Variants in NAALADL2 observed in about 807,000 individuals in gnomAD.
NAALADL2 encodes the protein N-acetylated alpha-linked acidic dipeptidase like 2.
NAALADL2 carries 76 observed loss-of-function variants against 87.2 expected under a neutral mutation model. The ratio of observed to expected loss-of-function variants is 0.87; its 90% CI spans 0.72 to 1.05. NAALADL2 has a LOEUF of 1.05. NAALADL2 is among the 50% of genes least tolerant of loss of function. The probability of loss-of-function intolerance (pLI) is 0.00; values close to 1 mark genes in which losing one functional copy is unlikely to be tolerated. For synonymous variants in NAALADL2, 354 were observed against 331.0 expected (o/e 1.07, Z -0.75); for missense variants, 1,089 against 945.8 (o/e 1.15, Z -1.99).
chr3:175,115,239 T>C (rs553255600), intron 2 of NAALADL2: 3 of 151,630 alleles, frequency 2.0e-5, no homozygotes, highest in Non-Finnish European at 4.4e-5. Flanking sequence ...TTGTCTGTCA[T>C]AGGCCCAGCA....
In NAALADL2 at chr3:174,822,948, A is replaced by G. The variant is rs955979298; in HGVS notation, c.-9+85202A>G. On this transcript the variant is annotated intron_variant, in intron 3 of 3. Transcript: ENST00000434257. ...GAAAGACACATTCTCACAAATAAACAAATGGGAAAATAAAGATTGAAGAAC... is the reference window on the plus strand; with the variant it reads ...GAAAGACACATTCTCACAAATAAACGAATGGGAAAATAAAGATTGAAGAAC... 7.9e-5 allele frequency among the ~76,000 whole-genome samples: 12 copies of G among 152,366 alleles called. No individual in the cohort carries two copies. The South Asian group carries it at 2.3e-3, about 29-fold the overall frequency.
intron 2 of NAALADL2, among the ~76,000 whole-genome samples, chr3:174,688,533 T>G (rs1728259405): frequency 6.6e-6 from 1 of 152,084 alleles, no homozygotes; most frequent in Admixed American, 6.6e-5. Flanking sequence ...TATAACAGTA[T>G]CTGGCATATA....
At chr3:175,785,209 G>A (rs1212165695) in intron 13 of NAALADL2, among the ~76,000 whole-genome samples, 1 of 149,546 alleles carries the variant, frequency 6.7e-6, no homozygotes, top group Non-Finnish European at 1.5e-5. Flanking sequence ...TTCTGTAGAT[G>A]TCTATTAGGT....
chr3:174,923,673 T>C (rs1735565503), intron 1 of NAALADL2, among the ~76,000 whole-genome samples: 1 of 152,212 alleles, frequency 6.6e-6, no homozygotes, highest in Admixed American at 6.5e-5. Flanking sequence ...CCACCATTTT[T>C]CAATATCCTG....
intron 2 of NAALADL2, among the ~76,000 whole-genome samples, chr3:174,609,589 TAGGAATGCAACTTACA>T (rs2108635025): frequency 6.6e-6 from 1 of 152,166 alleles, no homozygotes; most frequent in African/African-American, 2.4e-5. Context: ...ATAAAATACC[TAGGAATGCAACTTACA>T]AGGGACATGA....
intron 5 of NAALADL2, among the ~76,000 whole-genome samples, chr3:175,385,443 A>G (rs1056488712): frequency 5.9e-5 from 9 of 152,126 alleles, no homozygotes; most frequent in Non-Finnish European, 1.5e-5. Context: ...CAAGTGAAAG[A>G]TAGCTTCCCT....
intron 2 of NAALADL2, among the ~76,000 whole-genome samples, chr3:174,585,596 C>T (rs1021816622): frequency 2.6e-5 from 4 of 152,004 alleles, no homozygotes; most frequent in Non-Finnish European, 5.9e-5. Flanking sequence ...GCTAGTAGTT[C>T]TCAGTCATAA....
intron 2 of NAALADL2, among the ~76,000 whole-genome samples, chr3:174,732,503 G>GA (rs148523234): frequency 0.025 from 3,746 of 152,212 alleles, 50 homozygotes; most frequent in Middle Eastern, 0.048. Context: ...CATTTATTGT[G>GA]ATATTCTATA....
At chr3:175,078,019 C>A (rs1236392899) in intron 1 of NAALADL2, among the ~76,000 whole-genome samples, 1 of 149,664 alleles carries the variant, frequency 6.7e-6, no homozygotes, top group Non-Finnish European at 1.5e-5. Flanking sequence ...TTGTTTTGTT[C>A]TTTTCTTTCT....
chr3:175,517,446 A>G (rs1732006632), intron 9 of NAALADL2, among the ~76,000 whole-genome samples: 1 of 152,206 alleles, frequency 6.6e-6, no homozygotes. Context: ...CTGATATACA[A>G]GAATATTACA....
At chr3:174,515,867 T>C (rs536482455) in intron 1 of NAALADL2, among the ~76,000 whole-genome samples, 2 of 151,960 alleles carry the variant, frequency 1.3e-5, no homozygotes, top group Non-Finnish European at 1.5e-5. Flanking sequence ...AGATGAATGA[T>C]AATAGCAGTC....
At chr3:175,602,412 A>T (rs1025632092) in intron 10 of NAALADL2, among the ~76,000 whole-genome samples, 18 of 152,098 alleles carry the variant, frequency 1.2e-4, no homozygotes, top group African/African-American at 4.1e-4. Flanking sequence ...TATATGTAAC[A>T]TGTATGTAAA....
At chr3:175,337,875 G>T (rs1449112894) in intron 5 of NAALADL2, among the ~76,000 whole-genome samples, 1 of 152,162 alleles carries the variant, frequency 6.6e-6, no homozygotes, top group African/African-American at 2.4e-5. Flanking sequence ...TCCTGATTAG[G>T]TGTAAGTAAC....
At chr3:175,030,574 C>G (rs1752692296) in intron 1 of NAALADL2, among the ~76,000 whole-genome samples, 1 of 152,000 alleles carries the variant, frequency 6.6e-6, no homozygotes, top group Non-Finnish European at 1.5e-5. Flanking sequence ...CCCAAGAGCA[C>G]AGCCAAGAGT....
chr3:174,567,575 A>G (rs1387069235), intron 2 of NAALADL2, among the ~76,000 whole-genome samples: 3 of 151,648 alleles, frequency 2.0e-5, no homozygotes, highest in African/African-American at 7.2e-5. Flanking sequence ...ATAATACAAA[A>G]TGAGTTACAA....
chr3:174,757,587 G>C (rs1712287240), intron 3 of NAALADL2, among the ~76,000 whole-genome samples: 1 of 152,042 alleles, frequency 6.6e-6, no homozygotes, highest in Non-Finnish European at 1.5e-5. Flanking sequence ...CGCCTCCTGG[G>C]TTCCAGCGAT....
intron 1 of NAALADL2, among the ~76,000 whole-genome samples, chr3:174,514,881 C>T (rs1272410824): frequency 6.6e-6 from 1 of 152,054 alleles, no homozygotes; most frequent in Non-Finnish European, 1.5e-5. Context: ...TAGTAAATTA[C>T]TACACTGGGT....
At chr3:175,625,391 G>C (rs1726838864) in intron 10 of NAALADL2, among the ~76,000 whole-genome samples, 1 of 152,014 alleles carries the variant, frequency 6.6e-6, no homozygotes, top group African/African-American at 2.4e-5. Flanking sequence ...TTAAATTTAA[G>C]TATTGATGTG....
At chr3:175,471,373 A>G (rs1275530407) in intron 8 of NAALADL2, among the ~76,000 whole-genome samples, 1 of 151,394 alleles carries the variant, frequency 6.6e-6, no homozygotes, top group Non-Finnish European at 1.5e-5. Context: ...AGTCCCAGCT[A>G]CTGAGGCAGG....
Sources: allele counts gnomAD v4.1 joint callset (sites outside exome capture counted in the v4.1 genomes callset), GRCh38; gene constraint gnomAD v4.1.1; transcripts MANE v1.5; gene names NCBI Gene and HGNC (gene_info 2026-07-23, HGNC 2026-07-21).